The following SMAD4 variants were observed in gnomAD, a reference collection of about 807,000 sequenced individuals.
SMAD4 encodes SMAD family member 4.
In SMAD4, 7 loss-of-function variants were observed where a neutral mutation model predicts 63.2. The ratio of observed to expected loss-of-function variants is 0.11; its 90% confidence interval spans 0.06 to 0.21. The LOEUF (loss-of-function observed/expected upper bound fraction) is 0.21. Ranked by LOEUF, SMAD4 falls within the 10% of genes least tolerant of loss-of-function variation. SMAD4 has a pLI of 1.00. For synonymous variants in SMAD4, 215 were observed against 235.4 expected (o/e 0.91, Z 0.79); for missense variants, 312 against 693.8 (o/e 0.45, Z 6.18).
In SMAD4 at chr18:51,060,984, C is replaced by CCAAAG. The variant is rs1218793073; in HGVS notation, c.955+1068_955+1069insCAAAG. ...GAACTCCTAGCCTCAAGTGATCCTC[C>CCAAAG]TGTCTTAGCCTCCCAAAGTGCTGGG... is the stretch of plus-strand genomic sequence containing the variant. On this transcript the variant is annotated intron_variant, in intron 8 of 11. Transcript: ENST00000342988. Among the ~76,000 whole-genome samples the CCAAAG allele has an allele frequency of 2.7e-3, 414 of 152,212 alleles. 3 individuals are homozygous for CCAAAG. Among genetic ancestry groups the CCAAAG allele is most frequent in the African/African-American group, 6.9e-3 (285 of 41,526 alleles).
chr18:51,077,020 T>C (rs1047831946), intron 11 of SMAD4: 3 of 381,184 alleles, frequency 7.9e-6, no homozygotes, highest in Admixed American at 4.4e-5. Flanking sequence ...ATGATTATTA[T>C]ATTATACTGT....
chr18:51,068,922 A>AAAAT (rs140069461), intron 10 of SMAD4, among the ~76,000 whole-genome samples: 2 of 152,142 alleles, frequency 1.3e-5, no homozygotes, highest in Non-Finnish European at 2.9e-5. Flanking sequence ...CCCTTTCTCA[A>AAAAT]AAATAAATAA....
Position 51,084,187 on chromosome 18 carries a change from C to T in SMAD4, c.*5720C>T, listed in dbSNP as rs1243338082. On this transcript the variant is annotated 3_prime_UTR_variant, in exon 12 of 12. Transcript: ENST00000342988. ...GCTTTTGAGTTGGTGTGTGTGACAC[C>T]ACCCTCCTAAGTGGTGTGTGCTTGT... 4.3e-6 allele frequency: 1 copy of T among 230,418 alleles called. No homozygotes were observed. The highest frequency in any genetic ancestry group is 2.2e-5 in the African/African-American group (1 of 45,076). 14.3% of individuals were successfully genotyped at this position (230,418 alleles called of 1,614,324 possible). A position where few individuals can be genotyped will look rare whatever the true frequency, so the allele number is the denominator to read the frequency against.
At chr18:51,047,433 A>G (rs1909577520) in intron 2 of SMAD4, 138 bp downstream of exon 2, 2 of 749,116 alleles carry the variant, frequency 2.7e-6, no homozygotes, top group Non-Finnish European at 4.6e-6. Context: ...ACAAATATGC[A>G]TTATGGGAAT....
At position 51,079,584 on chromosome 18, in the gene SMAD4, T is replaced by C; in HGVS notation, c.*1117T>C. The C allele has an allele frequency of 4.3e-6, 1 of 233,440 alleles. No individual in the cohort carries two copies. The highest frequency in any genetic ancestry group is 6.1e-5 in the East Asian group (1 of 16,468). The allele number at this position is 233,440 out of a possible 1,614,324, so 14.5% of individuals were successfully genotyped here. On this transcript the variant is annotated 3_prime_UTR_variant, in exon 12 of 12. Coordinates refer to ENST00000342988, the MANE Select transcript of SMAD4 (RefSeq NM_005359.6). ...TGTTTAAAATTCAGTTTTTGTATCTTGGGGCAAGACTGCAAACTTTTTTAT... is the reference window on the plus strand; with the variant it reads ...TGTTTAAAATTCAGTTTTTGTATCTCGGGGCAAGACTGCAAACTTTTTTAT...
chr18:51,073,388 T>TATATATATACAC (rs1417299090), intron 10 of SMAD4, among the ~76,000 whole-genome samples: 95 of 64,146 alleles, frequency 1.5e-3, no homozygotes, highest in African/African-American at 4.8e-3. Flanking sequence ...TATATATATA[T>TATATATATACAC]ACACACACAC....
intron 1 of SMAD4, among the ~76,000 whole-genome samples, chr18:51,037,042 C>A (rs1909227455): frequency 6.6e-6 from 1 of 152,136 alleles, no homozygotes; most frequent in Admixed American, 6.5e-5. Flanking sequence ...TGCCTGTAAT[C>A]CCAGCTACTC....
At chr18:51,048,541 A>C in intron 2 of SMAD4, 145 bp from the exon 3 acceptor site, 1 of 748,418 alleles carries the variant, frequency 1.3e-6, no homozygotes, top group African/African-American at 1.8e-5. Context: ...GACATGGCCA[A>C]GTTAGTTATT....
At chr18:51,057,107 C>T (rs2144424286) in intron 5 of SMAD4, among the ~76,000 whole-genome samples, 1 of 152,116 alleles carries the variant, frequency 6.6e-6, no homozygotes, top group South Asian at 2.1e-4. Flanking sequence ...TAATTCTTAG[C>T]TTTAAGGAAA....
chr18:51,082,118 A>T lies in SMAD4; in HGVS notation c.*3651A>T. ...ATGATAGCAGATTGGGAAAATGGCA[A>T]ATTTAGGTTACGGAGGTAAATGAGT... On this transcript the variant is annotated 3_prime_UTR_variant, in exon 12 of 12. Transcript: ENST00000342988. 1 of 230,096 alleles carries T rather than the reference A, an allele frequency of 4.3e-6. No individual in the cohort carries two copies. The highest frequency in any genetic ancestry group is 2.2e-5 in the African/African-American group (1 of 45,338). The allele number at this position is 230,096 out of a possible 1,614,324, so 14.3% of individuals were successfully genotyped here. A position where few individuals can be genotyped will look rare whatever the true frequency, so the allele number is the denominator to read the frequency against.
At chr18:51,070,762 A>G (rs1457532669) in intron 10 of SMAD4, among the ~76,000 whole-genome samples, 1 of 152,078 alleles carries the variant, frequency 6.6e-6, no homozygotes, top group Non-Finnish European at 1.5e-5. Flanking sequence ...TACATTACCC[A>G]CCCATTAGTC....
intron 5 of SMAD4, among the ~76,000 whole-genome samples, chr18:51,057,392 A>G (rs1177862302): frequency 6.6e-6 from 1 of 152,220 alleles, no homozygotes; most frequent in Non-Finnish European, 1.5e-5. Flanking sequence ...AATACAAGCC[A>G]AGAGAAGCTT....
intron 4 of SMAD4, chr18:51,051,510 C>T: frequency 2.4e-6 from 1 of 420,688 alleles, no homozygotes; most frequent in Non-Finnish European, 4.7e-6. Context: ...TTTCATGAAA[C>T]TTTCTATGAC....
intron 7 of SMAD4, among the ~76,000 whole-genome samples, chr18:51,059,498 A>G (rs537145137): frequency 1.3e-5 from 2 of 152,224 alleles, no homozygotes; most frequent in Non-Finnish European, 1.5e-5. Flanking sequence ...TAACATAAGC[A>G]CTTGTTTTTA....
In SMAD4 at chr18:51,081,851, A is replaced by G. The variant is rs1336590923; in HGVS notation, c.*3384A>G. ...GGGAAGGAAAATTTTACATTTTACTATTAATGCTCCTTAAGTGTCTATGGA... is the reference window on the plus strand; with the variant it reads ...GGGAAGGAAAATTTTACATTTTACTGTTAATGCTCCTTAAGTGTCTATGGA... On this transcript the variant is annotated 3_prime_UTR_variant, in exon 12 of 12. Transcript: ENST00000342988. The G allele has an allele frequency of 4.3e-6, 1 of 232,234 alleles. No individual in the cohort carries two copies. The highest frequency in any genetic ancestry group is 2.2e-5 in the African/African-American group (1 of 45,310). The allele number at this position is 232,234 out of a possible 1,614,324, so 14.4% of individuals were successfully genotyped here.
chr18:51,032,507 C>T (rs1909080337), intron 1 of SMAD4, among the ~76,000 whole-genome samples: 1 of 152,190 alleles, frequency 6.6e-6, no homozygotes, highest in South Asian at 2.1e-4. Flanking sequence ...AGCAGCAAAT[C>T]TTACTTTTAA....
rs948491938 is a variant in SMAD4, at chr18:51,081,937, TACTC to T, written c.*3473_*3476del. 3.0e-5 allele frequency: 7 copies of T among 231,956 alleles called. No homozygotes were observed. Among genetic ancestry groups the T allele is most frequent in the Middle Eastern group, 1.2e-3 (1 of 804 alleles). 14.4% of individuals were successfully genotyped at this position (231,956 alleles called of 1,614,324 possible). A position where few individuals can be genotyped will look rare whatever the true frequency, so the allele number is the denominator to read the frequency against. ...GGTTTGATGGTAACTGGTTAATAGT[TACTC>T]ACCATTTTATGCAGAGTCACATTAG... On this transcript the variant is annotated 3_prime_UTR_variant, in exon 12 of 12. Transcript: ENST00000342988.
At chr18:51,072,606 T>C (rs193139179) in intron 10 of SMAD4, among the ~76,000 whole-genome samples, 1 of 152,342 alleles carries the variant, frequency 6.6e-6, no homozygotes, top group Non-Finnish European at 1.5e-5. Context: ...CATTTAAGCC[T>C]TGTCAAAGGA....
At position 51,059,852 on chromosome 18, in the gene SMAD4, T is replaced by G. The variant is rs1264774473; in HGVS notation, c.905-14T>G. 6.2e-7 allele frequency: 1 copy of G among 1,609,404 alleles called. No homozygotes were observed. Among genetic ancestry groups the G allele is most frequent in the Non-Finnish European group, 8.5e-7 (1 of 1,175,850 alleles). Reference sequence around the variant, plus strand: ...TAGTAAATAAAAATGGAATTTTTGTTGTCTTTTCTTTAGGGCCTGTTCACA... The same window carrying G: ...TAGTAAATAAAAATGGAATTTTTGTGGTCTTTTCTTTAGGGCCTGTTCACA... On this transcript the variant is annotated splice_polypyrimidine_tract_variant and intron_variant, in intron 7 of 11. Coordinates refer to ENST00000342988, the MANE Select transcript of SMAD4 (RefSeq NM_005359.6).
Sources: gnomAD v4.1 joint callset for allele counts (sites outside exome capture counted in the v4.1 genomes callset) on GRCh38, gnomAD v4.1.1 for gene constraint, MANE v1.5 for transcripts, NCBI Gene and HGNC (gene_info 2026-07-23, HGNC 2026-07-21) for gene names.